Variants in AGMO observed in about 807,000 individuals in gnomAD.
The protein encoded by AGMO is glyceryl-ether monooxygenase.
A neutral mutation model predicts 60.2 loss-of-function variants in AGMO; 75 were observed. The observed-to-expected ratio is 1.25, with a 90% CI of 1.03 to 1.51. The LOEUF is 1.51. Among genes scored for constraint, AGMO ranks in the 40% most tolerant of loss-of-function variants. The pLI is 0.00. For missense variants in AGMO, 763 were observed against 525.5 expected (o/e 1.45, Z -4.42); for synonymous variants, 261 against 177.1 (o/e 1.47, Z -3.76).
chr7:15,239,880 A>G (rs1563050050), intron 12 of AGMO, among the ~76,000 whole-genome samples: 1 of 152,106 alleles, frequency 6.6e-6, no homozygotes, highest in African/African-American at 2.4e-5. Context: ...AGACCTTATG[A>G]TTTTGTCTAG....
intron 12 of AGMO, among the ~76,000 whole-genome samples, chr7:15,299,680 T>C (rs1252661204): frequency 4.0e-5 from 6 of 151,858 alleles, no homozygotes; most frequent in Non-Finnish European, 8.8e-5. Context: ...CAAAAGATAT[T>C]AGCTGGGTAT....
At chr7:15,421,493 G>A (rs117545046) in intron 4 of AGMO, among the ~76,000 whole-genome samples, 147 of 152,234 alleles carry the variant, frequency 9.7e-4, no homozygotes, top group Non-Finnish European at 1.7e-3. Context: ...GAAAAGTGAT[G>A]CATATTTAAT....
intron 3 of AGMO, among the ~76,000 whole-genome samples, chr7:15,538,224 C>T (rs1023887350): frequency 2.6e-5 from 4 of 151,980 alleles, no homozygotes; most frequent in African/African-American, 9.7e-5. Context: ...AGAATACAAT[C>T]ACAATGTATT....
At chr7:15,248,054 C>A (rs987499457) in intron 12 of AGMO, among the ~76,000 whole-genome samples, 2 of 149,694 alleles carry the variant, frequency 1.3e-5, no homozygotes, top group Non-Finnish European at 3.0e-5. Context: ...ATGCTTCGAA[C>A]AGAAGAAACT....
At chr7:15,475,334 A>T (rs1019695855) in intron 3 of AGMO, among the ~76,000 whole-genome samples, 15 of 152,290 alleles carry the variant, frequency 9.8e-5, no homozygotes, top group African/African-American at 3.4e-4. Context: ...AATGTGGCAC[A>T]TATACACCAT....
chr7:15,529,325 T>A (rs750621199), intron 3 of AGMO, among the ~76,000 whole-genome samples: 1 of 150,968 alleles, frequency 6.6e-6, no homozygotes, highest in African/African-American at 2.4e-5. Flanking sequence ...ACTGTTAATG[T>A]AACTTCAAAA....
chr7:15,199,751 A>G (rs1317549797), downstream of AGMO, among the ~76,000 whole-genome samples: 1 of 152,224 alleles, frequency 6.6e-6, no homozygotes, highest in East Asian at 1.9e-4. Flanking sequence ...AGGATTCAAT[A>G]TATGTTATAG....
rs146144087 is a variant in AGMO at position 15,499,932 on chromosome 7, C to CACACATATATATATAT, written c.409+44839_409+44840insATATATATATATGTGT. On this transcript the variant is annotated intron_variant, in intron 3 of 12. Transcript: ENST00000342526. ...GCACACACACACACACACACACACA[C>CACACATATATATATAT]ATATATATATATAATATATATATTT... Among the ~76,000 whole-genome samples the CACACATATATATATAT allele has an allele frequency of 5.5e-4, 76 of 138,994 alleles. 1 individual carries two copies. The Admixed American group carries it at 5.7e-3, about 10-fold the overall frequency. The allele number at this position is 138,994 out of a possible 152,430, so 91.2% of individuals were successfully genotyped here.
chr7:15,392,935 C>G (rs1486309987), intron 6 of AGMO, among the ~76,000 whole-genome samples: 1 of 152,232 alleles, frequency 6.6e-6, no homozygotes, highest in African/African-American at 2.4e-5. Flanking sequence ...CAAAAATCAT[C>G]TAATACAAAG....
At chr7:15,488,263 G>C (rs1248916695) in intron 3 of AGMO, among the ~76,000 whole-genome samples, 1 of 152,166 alleles carries the variant, frequency 6.6e-6, no homozygotes, top group Non-Finnish European at 1.5e-5. Context: ...AAAATGTTTA[G>C]AATTGTAGTT....
the AGMO span, among the ~76,000 whole-genome samples, chr7:15,169,533 T>C: frequency 1.6e-4 from 25 of 151,860 alleles, no homozygotes; most frequent in African/African-American, 5.6e-4. Context: ...ACCTCCTGGG[T>C]TCAAGCAATT....
At chr7:15,158,085 G>C in the AGMO span, among the ~76,000 whole-genome samples, 2 of 152,050 alleles carry the variant, frequency 1.3e-5, no homozygotes, top group African/African-American at 4.8e-5. Flanking sequence ...TTGATATAAA[G>C]ACAAATATAA....
chr7:15,242,172 C>T (rs1782609531), intron 12 of AGMO, among the ~76,000 whole-genome samples: 1 of 152,086 alleles, frequency 6.6e-6, no homozygotes, highest in Non-Finnish European at 1.5e-5. Context: ...CTTTGTCATA[C>T]ATAATCAGGG....
At chr7:15,245,436 C>A (rs1782712683) in intron 12 of AGMO, among the ~76,000 whole-genome samples, 1 of 152,124 alleles carries the variant, frequency 6.6e-6, no homozygotes, top group Admixed American at 6.5e-5. Flanking sequence ...CTAAATTAGT[C>A]CTAGATTCCT....
chr7:15,429,732 A>G (rs1196970327), intron 4 of AGMO, among the ~76,000 whole-genome samples: 1 of 152,026 alleles, frequency 6.6e-6, no homozygotes, highest in Non-Finnish European at 1.5e-5. Flanking sequence ...TGTTTTGCCT[A>G]TGCTGCTGTT....
the AGMO span, among the ~76,000 whole-genome samples, chr7:15,194,589 A>G: frequency 6.6e-6 from 1 of 152,146 alleles, no homozygotes; most frequent in African/African-American, 2.4e-5. Flanking sequence ...AATCAGTAAT[A>G]TCACTGATCT....
intron 12 of AGMO, among the ~76,000 whole-genome samples, chr7:15,318,698 TTTTAA>T (rs1243005801): frequency 6.6e-6 from 1 of 152,216 alleles, no homozygotes; most frequent in African/African-American, 2.4e-5. Context: ...TAATTTAACC[TTTTAA>T]TTTAATTAAA....
intron 2 of AGMO, among the ~76,000 whole-genome samples, chr7:15,546,146 G>A (rs551226586): frequency 5.9e-5 from 9 of 151,930 alleles, no homozygotes; most frequent in Non-Finnish European, 1.3e-4. Context: ...GACTTTAACT[G>A]TGATTTAATA....
chr7:15,368,391 T>A (rs1424704201), intron 10 of AGMO, among the ~76,000 whole-genome samples: 1 of 152,148 alleles, frequency 6.6e-6, no homozygotes, highest in Non-Finnish European at 1.5e-5. Context: ...ATTGTGGTTT[T>A]GGCGGGGAAA....
Sources: gnomAD v4.1 joint callset for allele counts (sites outside exome capture counted in the v4.1 genomes callset) on GRCh38, gnomAD v4.1.1 for gene constraint, MANE v1.5 for transcripts, NCBI Gene and HGNC (gene_info 2026-07-23, HGNC 2026-07-21) for gene names.